THSD7B: variants seen among roughly 807,000 people sequenced by gnomAD.
The protein encoded by THSD7B is thrombospondin type-1 domain-containing protein 7B.
Under a neutral mutation model 213.6 loss-of-function variants are expected in THSD7B, and 138 were observed. The ratio of observed to expected loss-of-function variants is 0.65; its 90% CI spans 0.56 to 0.74. THSD7B has a LOEUF of 0.74. THSD7B is among the 30% of genes least tolerant of loss of function. The probability of loss-of-function intolerance (pLI) is 0.00; values close to 1 mark genes in which losing one functional copy is unlikely to be tolerated. For synonymous variants in THSD7B, 742 were observed against 687.0 expected, an observed-to-expected ratio of 1.08 and a Z score of -1.25; for missense variants, 1,931 against 1,991.5, an observed-to-expected ratio of 0.97 and a Z score of 0.58.
chr2:137,063,193 T>C (rs559377549), intron 3 of THSD7B, among the ~76,000 whole-genome samples: 37 of 145,264 alleles, frequency 2.5e-4, no homozygotes, highest in African/African-American at 9.7e-4. Flanking sequence ...TTCATCTGTC[T>C]TGTAGATAAC....
intron 21 of THSD7B, among the ~76,000 whole-genome samples, chr2:137,650,332 C>T (rs749352861): frequency 1.2e-4 from 18 of 151,988 alleles, no homozygotes; most frequent in Non-Finnish European, 2.4e-4. Context: ...TGTTTTATAT[C>T]CTTTATAGCT....
chr2:137,057,695 A>C (rs80027450), intron 3 of THSD7B, among the ~76,000 whole-genome samples: 1 of 152,128 alleles, frequency 6.6e-6, no homozygotes, highest in Non-Finnish European at 1.5e-5. Context: ...ACTGTTATCA[A>C]CATTCTTTGA....
At chr2:137,638,649 T>C (rs1045392288) in intron 20 of THSD7B, among the ~76,000 whole-genome samples, 1 of 152,186 alleles carries the variant, frequency 6.6e-6, no homozygotes, top group African/African-American at 2.4e-5. Flanking sequence ...TGGGGAAGTG[T>C]TGAACCTCCT....
chr2:136,783,041 T>G (rs551759583), intron 1 of THSD7B, among the ~76,000 whole-genome samples: 2 of 151,280 alleles, frequency 1.3e-5, no homozygotes, highest in African/African-American at 2.5e-5. Context: ...TGTTGCAAAC[T>G]TACGCTGAGT....
chr2:136,869,064 A>G (rs557444644), intron 1 of THSD7B, among the ~76,000 whole-genome samples: 5 of 152,228 alleles, frequency 3.3e-5, no homozygotes, highest in South Asian at 2.1e-4. Context: ...TATTATTTCT[A>G]TTAAATGATT....
intron 1 of THSD7B, among the ~76,000 whole-genome samples, chr2:136,793,991 C>T (rs928483137): frequency 1.1e-4 from 17 of 150,872 alleles, no homozygotes; most frequent in African/African-American, 4.1e-4. Context: ...TGAATGTATC[C>T]CTTTCATCTA....
chr2:137,397,471 T>G (rs1686223025), intron 12 of THSD7B, among the ~76,000 whole-genome samples: 1 of 151,922 alleles, frequency 6.6e-6, no homozygotes, highest in South Asian at 2.1e-4. Flanking sequence ...ATTCTTTTCT[T>G]TAAGAATGTT....
intron 5 of THSD7B, 44 bp from the exon 6 acceptor site, chr2:137,160,169 T>C: frequency 4.4e-6 from 7 of 1,579,796 alleles, no homozygotes; most frequent in Non-Finnish European, 6.0e-6. Flanking sequence ...ATGCTAAGGA[T>C]GTCCAGAGAA....
chr2:137,055,788 C>G (rs528315520), intron 2 of THSD7B, among the ~76,000 whole-genome samples: 2 of 152,272 alleles, frequency 1.3e-5, no homozygotes, highest in African/African-American at 4.8e-5. Flanking sequence ...TTACCTTTCC[C>G]CTGCACCCCA....
At chr2:137,669,846 C>A (rs1343991151) in intron 27 of THSD7B, among the ~76,000 whole-genome samples, 3 of 152,150 alleles carry the variant, frequency 2.0e-5, no homozygotes, top group Non-Finnish European at 4.4e-5. Flanking sequence ...CCATTCCCTT[C>A]AACCTAAAAA....
chr2:137,618,988 T>TGC (rs991746510), intron 19 of THSD7B, among the ~76,000 whole-genome samples: 11 of 152,222 alleles, frequency 7.2e-5, no homozygotes, highest in Non-Finnish European at 1.3e-4. Flanking sequence ...TACATTAAAA[T>TGC]GCATCCCTAC....
chr2:136,882,107 A>C (rs1316714482), intron 1 of THSD7B, 37 bp from the exon 2 acceptor site: 4 of 1,380,788 alleles, frequency 2.9e-6, no homozygotes, highest in Non-Finnish European at 3.8e-6. Flanking sequence ...TTTTCTTTAC[A>C]GAAGAAACTT....
chr2:137,287,478 G>A (rs2602347), intron 12 of THSD7B, among the ~76,000 whole-genome samples: 90,101 of 151,878 alleles, frequency 0.59, 27,398 homozygotes, highest in East Asian at 0.94. Flanking sequence ...TGCATGTTTT[G>A]GGGTAGGATT....
chr2:137,432,939 T>C (rs1687216145), intron 14 of THSD7B, among the ~76,000 whole-genome samples: 1 of 152,216 alleles, frequency 6.6e-6, no homozygotes, highest in Non-Finnish European at 1.5e-5. Flanking sequence ...TCTCCCTTTC[T>C]AGATTGTTAG....
Position 136,849,380 on chromosome 2 carries a change from C to T in THSD7B, c.-35-32764C>T, listed in dbSNP as rs763389132. On this transcript the variant is annotated intron_variant, in intron 1 of 27. Transcript: ENST00000409968. ...AATAACTTGGGAAGGAGTATTTGAA[C>T]GCTAGTCTTTTTGCCATCTAAACCT... Among the ~76,000 whole-genome samples, 10 of 152,248 alleles carry T rather than the reference C, an allele frequency of 6.6e-5. 1 individual carries two copies. In the Middle Eastern group the frequency reaches 0.014, roughly 207 times the overall value.
At chr2:137,081,268 T>C (rs1687743142) in intron 3 of THSD7B, among the ~76,000 whole-genome samples, 1 of 152,066 alleles carries the variant, frequency 6.6e-6, no homozygotes, top group South Asian at 2.1e-4. Context: ...ATTTGAGGGG[T>C]TACTAGAATT....
At chr2:137,148,423 A>G (rs1558938397) in intron 5 of THSD7B, among the ~76,000 whole-genome samples, 2 of 152,162 alleles carry the variant, frequency 1.3e-5, no homozygotes, top group Admixed American at 6.5e-5. Flanking sequence ...ATACCTGAAA[A>G]TGTGGAAGTG....
chr2:137,029,097 G>C (rs79907156), intron 2 of THSD7B, among the ~76,000 whole-genome samples: 1 of 22,610 alleles, frequency 4.4e-5, no homozygotes, highest in African/African-American at 1.7e-4. Context: ...TTTTTTTTTT[G>C]AGAAAGAGTC....
At chr2:137,551,447 A>G (rs1680846338) in intron 15 of THSD7B, among the ~76,000 whole-genome samples, 1 of 152,100 alleles carries the variant, frequency 6.6e-6, no homozygotes, top group African/African-American at 2.4e-5. Flanking sequence ...AGATTATGTT[A>G]TTCATTGAGA....
Sources: allele counts gnomAD v4.1 joint callset (sites outside exome capture counted in the v4.1 genomes callset), GRCh38; gene constraint gnomAD v4.1.1; transcripts MANE v1.5; gene names NCBI Gene and HGNC (gene_info 2026-07-23, HGNC 2026-07-21).